The following TANC2 variants were observed in gnomAD, a reference collection of about 807,000 sequenced individuals.
The protein encoded by TANC2 is tetratricopeptide repeat, ankyrin repeat and coiled-coil containing 2.
In TANC2, 26 loss-of-function variants were observed where a neutral mutation model predicts 210.5. The observed-to-expected ratio is 0.12, with a 90% CI of 0.09 to 0.17. The LOEUF (loss-of-function observed/expected upper bound fraction) is 0.17. TANC2 is among the 10% of genes least tolerant of loss of function. The pLI is 1.00. For missense variants in TANC2, 2,129 were observed against 2,608.9 expected, an observed-to-expected ratio of 0.82 and a Z score of 4.01; for synonymous variants, 931 against 967.1, an observed-to-expected ratio of 0.96 and a Z score of 0.69.
intron 1 of TANC2, among the ~76,000 whole-genome samples, chr17:63,001,185 TAATC>T (rs2033363622): frequency 6.6e-6 from 1 of 152,202 alleles, no homozygotes; most frequent in African/African-American, 2.4e-5. Flanking sequence ...TATGTGTAAA[TAATC>T]AGAGTTTGAG....
intron 4 of TANC2, among the ~76,000 whole-genome samples, chr17:63,143,814 G>A (rs892292109): frequency 6.6e-6 from 1 of 151,978 alleles, no homozygotes; most frequent in African/African-American, 2.4e-5. Flanking sequence ...TTAGGAGTTA[G>A]TATAAAAGTC....
chr17:63,052,852 A>T (rs184769220), intron 2 of TANC2, among the ~76,000 whole-genome samples: 20 of 152,318 alleles, frequency 1.3e-4, no homozygotes, highest in Admixed American at 3.9e-4. Context: ...TACTAATAAA[A>T]CTTTATTTGT....
chr17:63,189,264 T>C (rs1462508076), intron 5 of TANC2, among the ~76,000 whole-genome samples: 1 of 152,242 alleles, frequency 6.6e-6, no homozygotes, highest in African/African-American at 2.4e-5. Context: ...TGTTTTCAGT[T>C]CTTTTGGGTA....
chr17:63,379,504 TACTA>T (rs2047534053), intron 14 of TANC2, among the ~76,000 whole-genome samples: 1 of 152,146 alleles, frequency 6.6e-6, no homozygotes, highest in Non-Finnish European at 1.5e-5. Flanking sequence ...ACCCCATCTC[TACTA>T]AAATAGAAAA....
chr17:63,332,047 C>T, intron 11 of TANC2: 1 of 291,488 alleles, frequency 3.4e-6, no homozygotes, highest in Admixed American at 4.1e-5. Flanking sequence ...TGAATGATAT[C>T]AATTATGCCA....
chr17:63,027,493 T>G (rs2144089301), intron 2 of TANC2, among the ~76,000 whole-genome samples: 1 of 152,210 alleles, frequency 6.6e-6, no homozygotes, highest in South Asian at 2.1e-4. Flanking sequence ...TTCATCTGAA[T>G]ATATTTAGAT....
intron 1 of TANC2, among the ~76,000 whole-genome samples, chr17:62,991,239 ATTTTATGCATG>A: frequency 6.6e-6 from 1 of 152,250 alleles, no homozygotes; most frequent in South Asian, 2.1e-4. Context: ...GAAATGATGA[ATTTTATGCATG>A]TTTTATGCAT....
intron 5 of TANC2, among the ~76,000 whole-genome samples, chr17:63,192,485 C>G (rs548362194): frequency 1.8e-4 from 28 of 152,294 alleles, no homozygotes; most frequent in African/African-American, 6.5e-4. Flanking sequence ...ATGCTATGAG[C>G]AATATGCCTA....
At position 63,421,245 on chromosome 17, in the gene TANC2, A is replaced by G. The variant is rs748761784; in HGVS notation, c.5515A>G (p.Ile1839Val). The change falls in exon 28 of 28, where the codon ATC (isoleucine) becomes GTC (valine). Residue 1839 changes from isoleucine to valine, a missense_variant. Physicochemically the swap from Ile to Val is conservative, Grantham distance 29 (BLOSUM62 3). This residue lies in a region of TANC2 where 584 missense variants were observed against 627.3 expected (regional missense o/e 0.93). Coordinates refer to ENST00000689528, the Ensembl canonical transcript of TANC2. This position sits in a 1 kb window ranked among gnomAD's most constrained non-coding sequence, Gnocchi z 6.9. ...TGTGTCGCATTTAATCAGAAGACCT[A>G]TCAGTGTCAACCCTAACGAAATCAA... 6.2e-7 allele frequency: 1 copy of G among 1,614,012 alleles called. No individual in the cohort carries two copies. Among genetic ancestry groups the G allele is most frequent in the Non-Finnish European group, 8.5e-7 (1 of 1,179,890 alleles).
intron 5 of TANC2, among the ~76,000 whole-genome samples, chr17:63,186,350 C>CTTT (rs11314991): frequency 1.2e-4 from 14 of 114,356 alleles, no homozygotes; most frequent in East Asian, 2.2e-4. Context: ...CTCTCTCTCT[C>CTTT]TTTTTTTTTT....
chr17:63,426,393 T>G (rs1250183428), exon 28 of TANC2: 1 of 152,416 alleles, frequency 6.6e-6, no homozygotes, highest in Non-Finnish European at 1.5e-5. Context: ...GCTGGGGGCC[T>G]GGACACAAGC....
intron 2 of TANC2, among the ~76,000 whole-genome samples, chr17:63,018,460 G>A (rs2034204311): frequency 6.8e-6 from 1 of 147,256 alleles, no homozygotes. Context: ...CAGCCTGGGC[G>A]ACAGAGTGAG....
chr17:63,198,753 T>G (rs2041429438), intron 6 of TANC2, among the ~76,000 whole-genome samples: 1 of 151,870 alleles, frequency 6.6e-6, no homozygotes, highest in Non-Finnish European at 1.5e-5. Flanking sequence ...TAGGAATAAT[T>G]GCTCTGTAAG....
intron 12 of TANC2, among the ~76,000 whole-genome samples, chr17:63,342,030 A>T (rs1206861126): frequency 6.6e-6 from 1 of 152,068 alleles, no homozygotes; most frequent in East Asian, 1.9e-4. Flanking sequence ...CTTCTTCTTA[A>T]ATCTCTGCCT....
chr17:62,999,363 C>G (rs1396357895), intron 1 of TANC2, among the ~76,000 whole-genome samples: 1 of 152,198 alleles, frequency 6.6e-6, no homozygotes, highest in Non-Finnish European at 1.5e-5. Flanking sequence ...AACCTCTTTT[C>G]TTATAAATTA....
At chr17:63,121,473 C>T (rs575409799) in intron 4 of TANC2, among the ~76,000 whole-genome samples, 371 of 152,138 alleles carry the variant, frequency 2.4e-3, no homozygotes, top group Non-Finnish European at 3.8e-3. Flanking sequence ...GATTTTTGGA[C>T]TTTTCTTTGG....
intron 1 of TANC2, 39 bp from the exon 2 acceptor site, chr17:63,009,498 A>G: frequency 6.9e-7 from 1 of 1,457,376 alleles, no homozygotes; most frequent in Non-Finnish European, 9.6e-7. Flanking sequence ...ATGAAAATAA[A>G]GTTTTCTTAA....
chr17:62,994,178 T>A (rs9909474), intron 1 of TANC2, among the ~76,000 whole-genome samples: 1,896 of 143,780 alleles, frequency 0.013, 35 homozygotes, highest in African/African-American at 0.046. Context: ...GTAAGTAGAA[T>A]TTTTTTTTTT....
chr17:63,267,742 T>C lies in TANC2; in HGVS notation c.1034-6T>C, dbSNP rs200068675. Reference sequence around the variant, plus strand: ...ATATTCTAACTAAACTTTTCTTTCTTGTCAGCCACCAGCTCTGCCCACTTG... The same window carrying C: ...ATATTCTAACTAAACTTTTCTTTCTCGTCAGCCACCAGCTCTGCCCACTTG... On this transcript the variant is annotated splice_polypyrimidine_tract_variant and splice_region_variant and intron_variant, in intron 8 of 27. Coordinates refer to ENST00000689528, the Ensembl canonical transcript of TANC2. The C allele has an allele frequency of 1.8e-4, 295 of 1,610,794 alleles. 2 individuals are homozygous for C. In the African/African-American group the frequency reaches 3.6e-3, roughly 20 times the overall value.
Sources: allele counts gnomAD v4.1 joint callset (sites outside exome capture counted in the v4.1 genomes callset), GRCh38; gene constraint gnomAD v4.1.1; regional missense constraint gnomAD v4.1.1; non-coding constraint Gnocchi (gnomAD v3.1); transcripts MANE v1.5; gene names NCBI Gene and HGNC (gene_info 2026-07-23, HGNC 2026-07-21).